The following PPFIA2 variants were observed in gnomAD, a reference collection of about 807,000 sequenced individuals.
PPFIA2 encodes liprin-alpha-2.
Under a neutral mutation model 175.5 loss-of-function variants are expected in PPFIA2, and 46 were observed. The ratio of observed to expected loss-of-function variants is 0.26; its 90% CI spans 0.21 to 0.34. The LOEUF (loss-of-function observed/expected upper bound fraction) is 0.34, where lower values mean the gene tolerates loss of function less well. Among genes scored for constraint, PPFIA2 ranks in the 10% least tolerant of loss-of-function variants. The pLI, the probability that PPFIA2 is intolerant of heterozygous loss-of-function variation, is 1.00. For missense variants in PPFIA2, 1,179 were observed against 1,506.1 expected, an observed-to-expected ratio of 0.78 and a Z score of 3.60; for synonymous variants, 568 against 511.4, an observed-to-expected ratio of 1.11 and a Z score of -1.49.
intron 3 of PPFIA2, among the ~76,000 whole-genome samples, chr12:81,693,324 G>A (rs1242365713): frequency 2.6e-5 from 4 of 151,986 alleles, no homozygotes; most frequent in Non-Finnish European, 5.9e-5. Flanking sequence ...CTCATAACTC[G>A]GTGATGTCTT....
chr12:81,407,993 C>A (rs2043231353), intron 7 of PPFIA2, among the ~76,000 whole-genome samples: 1 of 151,992 alleles, frequency 6.6e-6, no homozygotes, highest in Admixed American at 6.6e-5. Context: ...TATGAAGTAG[C>A]ACATCAAATT....
intron 23 of PPFIA2, among the ~76,000 whole-genome samples, chr12:81,296,453 G>A (rs1173432376): frequency 6.6e-6 from 1 of 152,156 alleles, no homozygotes; most frequent in Non-Finnish European, 1.5e-5. Context: ...TGCCAATCAC[G>A]GGCATTATAT....
chr12:81,758,552 G>T (rs560282846), intron 1 of PPFIA2, 45 bp from the exon 2 acceptor site: 1 of 398,236 alleles, frequency 2.5e-6, no homozygotes, highest in African/African-American at 2.0e-5. Flanking sequence ...CGCGTGCCCC[G>T]GCGCCCTCCC....
At chr12:81,408,735 T>A (rs532770405) in intron 7 of PPFIA2, among the ~76,000 whole-genome samples, 1 of 152,326 alleles carries the variant, frequency 6.6e-6, no homozygotes, top group South Asian at 2.1e-4. Context: ...AAAAATGACA[T>A]AATTTTCAAC....
chr12:81,577,698 G>T (rs1002954192), intron 4 of PPFIA2, among the ~76,000 whole-genome samples: 1 of 151,878 alleles, frequency 6.6e-6, no homozygotes, highest in Admixed American at 6.6e-5. Context: ...GAGAGGAAGA[G>T]CAGGTTGGTT....
At chr12:81,580,816 TTA>T (rs141565621) in intron 4 of PPFIA2, among the ~76,000 whole-genome samples, 1,576 of 151,958 alleles carry the variant, frequency 0.01, 30 homozygotes, top group African/African-American at 0.033. Flanking sequence ...CATATATCCT[TTA>T]TATATTTAGA....
chr12:81,363,298 T>A (rs10862298), intron 14 of PPFIA2, among the ~76,000 whole-genome samples: 30,117 of 149,740 alleles, frequency 0.2, 3,925 homozygotes, highest in East Asian at 0.43. Flanking sequence ...TTAATTAATT[T>A]ATTTATTTAT....
chr12:81,534,568 T>C (rs2065110608), intron 4 of PPFIA2, among the ~76,000 whole-genome samples: 1 of 151,734 alleles, frequency 6.6e-6, no homozygotes, highest in Non-Finnish European at 1.5e-5. Flanking sequence ...AAAAAGACTA[T>C]AAGGGACCCT....
intron 22 of PPFIA2, among the ~76,000 whole-genome samples, chr12:81,322,671 T>C (rs1393145385): frequency 1.3e-5 from 2 of 152,156 alleles, no homozygotes; most frequent in African/African-American, 2.4e-5. Context: ...ACAGCAAAGA[T>C]GAGGCATAGT....
intron 4 of PPFIA2, among the ~76,000 whole-genome samples, chr12:81,462,906 A>G (rs564790747): frequency 1.3e-5 from 2 of 152,108 alleles, no homozygotes; most frequent in Admixed American, 1.3e-4. Flanking sequence ...TGAATAATTC[A>G]TGCATTTAAA....
chr12:81,278,226 G>A (rs754113132), intron 27 of PPFIA2, among the ~76,000 whole-genome samples: 3 of 152,156 alleles, frequency 2.0e-5, no homozygotes, highest in Middle Eastern at 3.4e-3. Flanking sequence ...GACAATTTTC[G>A]GAGGAGGAAG....
chr12:81,345,574 T>C (rs1281861741), intron 18 of PPFIA2, among the ~76,000 whole-genome samples: 2 of 152,136 alleles, frequency 1.3e-5, no homozygotes, highest in Non-Finnish European at 2.9e-5. Flanking sequence ...TCAAGAGTTA[T>C]GATGCTTATG....
intron 4 of PPFIA2, among the ~76,000 whole-genome samples, chr12:81,532,694 G>C (rs1417897403): frequency 6.6e-6 from 1 of 151,660 alleles, no homozygotes; most frequent in African/African-American, 2.4e-5. Context: ...CCCATTTGCA[G>C]AATTTAGATA....
At chr12:81,386,657 T>TAA (rs1202544061) in intron 8 of PPFIA2, among the ~76,000 whole-genome samples, 1 of 151,808 alleles carries the variant, frequency 6.6e-6, no homozygotes, top group Admixed American at 6.6e-5. Flanking sequence ...TAATGATAAA[T>TAA]AAAAGTATGC....
At chr12:81,362,259 G>A (rs768734844) in intron 15 of PPFIA2, among the ~76,000 whole-genome samples, 6 of 148,736 alleles carry the variant, frequency 4.0e-5, no homozygotes, top group Non-Finnish European at 7.5e-5. Flanking sequence ...TATTTGTTTA[G>A]TCACATAAGC....
rs939352332 is a variant in PPFIA2, at chr12:81,656,189, G to C, written c.303+20602C>G. On this transcript the variant is annotated intron_variant, in intron 4 of 32. Coordinates refer to ENST00000549396, the MANE Select transcript of PPFIA2 (RefSeq NM_003625.5). ...TCTGTAGGATCTAGCTGCTCTTCTC[G>C]AGGAGTATCTTTGTGGCGTATTTTA... Among the ~76,000 whole-genome samples the C allele has an allele frequency of 2.6e-5, 4 of 151,952 alleles. No homozygotes were observed. In the Middle Eastern group the frequency reaches 0.014, roughly 517 times the overall value.
chr12:81,470,137 A>C (rs907817680), intron 4 of PPFIA2, among the ~76,000 whole-genome samples: 8 of 152,234 alleles, frequency 5.3e-5, no homozygotes, highest in African/African-American at 1.9e-4. Flanking sequence ...TATCATTAAG[A>C]AAGTGAAAGA....
At chr12:81,588,938 TAG>T (rs1444266532) in intron 4 of PPFIA2, among the ~76,000 whole-genome samples, 1 of 152,146 alleles carries the variant, frequency 6.6e-6, no homozygotes, top group African/African-American at 2.4e-5. Context: ...ACCTGAAACA[TAG>T]AGTTATTTTA....
At chr12:81,567,814 C>T (rs527384333) in intron 4 of PPFIA2, among the ~76,000 whole-genome samples, 2 of 152,296 alleles carry the variant, frequency 1.3e-5, no homozygotes, top group South Asian at 4.1e-4. Context: ...GAAAATATAG[C>T]ACTTTCCTGA....
Sources: allele counts gnomAD v4.1 joint callset (sites outside exome capture counted in the v4.1 genomes callset), GRCh38; gene constraint gnomAD v4.1.1; transcripts MANE v1.5; gene names NCBI Gene and HGNC (gene_info 2026-07-23, HGNC 2026-07-21).